CLDN14: variants seen among roughly 807,000 people sequenced by gnomAD.
CLDN14 encodes claudin 14.
CLDN14 carries 2 observed loss-of-function variants against 2.1 expected under a neutral mutation model. That is an observed-to-expected ratio of 0.96 (90% CI 0.39 to 3.01). The LOEUF (loss-of-function observed/expected upper bound fraction) is 3.01, where lower values mean the gene tolerates loss of function less well. CLDN14 is among the 30% of genes most tolerant of loss of function. The pLI is 0.09. For missense variants in CLDN14, 298 were observed against 328.0 expected (o/e 0.91, Z 0.71); for synonymous variants, 136 against 154.4 (o/e 0.88, Z 0.88).
chr21:36,523,099 C>T (rs2087284569), intron 1 of CLDN14, among the ~76,000 whole-genome samples: 1 of 152,278 alleles, frequency 6.6e-6, no homozygotes, highest in Middle Eastern at 3.4e-3. Context: ...CTTCCTGATC[C>T]CCCCAGTGTC....
intron 1 of CLDN14, among the ~76,000 whole-genome samples, chr21:36,475,387 C>T (rs1291138955): frequency 6.6e-6 from 1 of 152,186 alleles, no homozygotes; most frequent in Non-Finnish European, 1.5e-5. Context: ...TCTCCACCCT[C>T]CTGCTGTAGC....
upstream of CLDN14, among the ~76,000 whole-genome samples, chr21:36,483,150 C>T (rs2146452283): frequency 6.6e-6 from 1 of 152,326 alleles, no homozygotes; most frequent in East Asian, 1.9e-4. Flanking sequence ...ACCCTGTATC[C>T]ACCTCCAGAA....
At chr21:36,511,475 TA>T (rs758767607) in intron 1 of CLDN14, among the ~76,000 whole-genome samples, 1 of 152,188 alleles carries the variant, frequency 6.6e-6, no homozygotes, top group Non-Finnish European at 1.5e-5. Context: ...AATAGTAGTT[TA>T]AATGATTGAA....
intron 1 of CLDN14, among the ~76,000 whole-genome samples, chr21:36,555,509 C>A (rs181682161): frequency 6.6e-6 from 1 of 152,268 alleles, no homozygotes; most frequent in East Asian, 1.9e-4. Flanking sequence ...CAAATGTTTC[C>A]AATGTTTTGT....
chr21:36,516,080 G>T (rs2087227181), intron 1 of CLDN14, among the ~76,000 whole-genome samples: 2 of 152,186 alleles, frequency 1.3e-5, no homozygotes, highest in South Asian at 4.2e-4. Flanking sequence ...GAGCCACTGG[G>T]CCCGGCCGTT....
At chr21:36,527,541 C>T (rs1314498688) in intron 1 of CLDN14, among the ~76,000 whole-genome samples, 1 of 152,170 alleles carries the variant, frequency 6.6e-6, no homozygotes, top group Non-Finnish European at 1.5e-5. Flanking sequence ...GGCCAGCCCG[C>T]CTTGAAGTGA....
intron 1 of CLDN14, among the ~76,000 whole-genome samples, chr21:36,527,351 C>T (rs956369309): frequency 2.0e-5 from 3 of 152,222 alleles, no homozygotes; most frequent in African/African-American, 7.2e-5. Flanking sequence ...CTTAGCGCTA[C>T]CCTCCATGAG....
chr21:36,533,328 G>T (rs1052990629), intron 1 of CLDN14, among the ~76,000 whole-genome samples: 6 of 152,212 alleles, frequency 3.9e-5, no homozygotes, highest in South Asian at 4.1e-4. Flanking sequence ...ACCCTTAGGT[G>T]CCAGGTTGGT....
Position 36,461,216 on chromosome 21 carries a change from A to T in CLDN14, c.480T>A (p.Ile160=), listed in dbSNP as rs1307199899. 1 of 1,614,006 alleles carries T rather than the reference A, an allele frequency of 6.2e-7. No individual in the cohort carries two copies. Among genetic ancestry groups the T allele is most frequent in the Non-Finnish European group, 8.5e-7 (1 of 1,180,026 alleles). The change falls in exon 2 of 2, where the codon ATT becomes ATA. Residue 160 remains isoleucine, a synonymous_variant. Coordinates refer to ENST00000399135, the MANE Select transcript of CLDN14 (RefSeq NM_001146079.2). ...PLLPSGMKFE[I]GQALYLGFIS... is the part of the protein sequence containing the mutation. ...TGAAGCCCAGGTACAGGGCCTGGCC[A>T]ATCTCAAACTTCATGCCGCTGGGCA...
At chr21:36,465,187 C>T (rs778538126) in intron 1 of CLDN14, among the ~76,000 whole-genome samples, 28 of 152,174 alleles carry the variant, frequency 1.8e-4, no homozygotes, top group Non-Finnish European at 3.2e-4. Flanking sequence ...TCAAGGCTGA[C>T]GGCCACACAG....
At chr21:36,546,885 T>C (rs773463343) in intron 1 of CLDN14, among the ~76,000 whole-genome samples, 1 of 152,164 alleles carries the variant, frequency 6.6e-6, no homozygotes, top group Non-Finnish European at 1.5e-5. Context: ...TGATGTTGCC[T>C]CCCCACCCCT....
At chr21:36,537,199 CAAACAAA>C (rs2087430717) in intron 1 of CLDN14, among the ~76,000 whole-genome samples, 1 of 151,658 alleles carries the variant, frequency 6.6e-6, no homozygotes, top group South Asian at 2.1e-4. Flanking sequence ...CTCAAACAAA[CAAACAAA>C]AAACAAAAAA....
intron 1 of CLDN14, among the ~76,000 whole-genome samples, chr21:36,513,534 A>G (rs978192388): frequency 2.0e-5 from 3 of 152,136 alleles, no homozygotes; most frequent in Non-Finnish European, 2.9e-5. Context: ...GGGGATATCT[A>G]TTACCTTCCA....
intron 1 of CLDN14, among the ~76,000 whole-genome samples, chr21:36,572,318 G>T (rs183087105): frequency 6.6e-6 from 1 of 152,232 alleles, no homozygotes; most frequent in Admixed American, 6.5e-5. Flanking sequence ...AAGACCCCAA[G>T]GGTGTACCAT....
At chr21:36,463,443 G>A (rs997695417) in intron 1 of CLDN14, among the ~76,000 whole-genome samples, 3 of 152,232 alleles carry the variant, frequency 2.0e-5, no homozygotes, top group African/African-American at 4.8e-5. Flanking sequence ...GGGGCTCGGC[G>A]GCTCACGCCT....
intron 2 of CLDN14, among the ~76,000 whole-genome samples, chr21:36,490,614 C>A (rs1175170238): frequency 6.6e-6 from 1 of 151,466 alleles, no homozygotes; most frequent in Non-Finnish European, 1.5e-5. Flanking sequence ...CTTTCAAACT[C>A]CTGACCTCAA....
At chr21:36,521,400 G>A (rs2087269234) in intron 1 of CLDN14, among the ~76,000 whole-genome samples, 1 of 152,180 alleles carries the variant, frequency 6.6e-6, no homozygotes, top group African/African-American at 2.4e-5. Context: ...TGGGCTCACT[G>A]GTACACAGGA....
At chr21:36,521,532 A>T (rs1272749382) in intron 1 of CLDN14, among the ~76,000 whole-genome samples, 1 of 152,178 alleles carries the variant, frequency 6.6e-6, no homozygotes. Flanking sequence ...AAAAACACAG[A>T]TTTTCACAAC....
At position 36,544,013 on chromosome 21, in the gene CLDN14, G is replaced by T. The variant is rs2087510506; in HGVS notation, c.-220+32398C>A. On this transcript the variant is annotated intron_variant, in intron 1 of 2. Coordinates refer to the CLDN14 transcript ENST00000342108. This position sits in a 1 kb window ranked among gnomAD's most constrained non-coding sequence, Gnocchi z 4.1. ...CAAGGCTGCAGCCAGGGAAGCCTGT[G>T]TCATGGATTCAACCGTCTGTGCTGA... Among the ~76,000 whole-genome samples, 1 of 152,244 alleles carries T rather than the reference G, an allele frequency of 6.6e-6. No homozygotes were observed. Among genetic ancestry groups the T allele is most frequent in the African/African-American group, 2.4e-5 (1 of 41,460 alleles).
Sources: gnomAD v4.1 joint callset for allele counts (sites outside exome capture counted in the v4.1 genomes callset) on GRCh38, gnomAD v4.1.1 for gene constraint, Gnocchi (gnomAD v3.1) non-coding constraint, MANE v1.5 for transcripts, NCBI Gene and HGNC (gene_info 2026-07-23, HGNC 2026-07-21) for gene names.